Variants in PRDM16 observed in about 807,000 individuals in gnomAD.
PRDM16 encodes the protein histone-lysine N-methyltransferase PRDM16.
In PRDM16, 23 loss-of-function variants were observed where a neutral mutation model predicts 110.6. That is an observed-to-expected ratio of 0.21 (90% confidence interval 0.15 to 0.29). The LOEUF is 0.29. Among genes scored for constraint, PRDM16 ranks in the 10% least tolerant of loss-of-function variants. The probability of loss-of-function intolerance (pLI) is 1.00; values close to 1 mark genes in which losing one functional copy is unlikely to be tolerated. For synonymous variants in PRDM16, 799 were observed against 781.8 expected, an observed-to-expected ratio of 1.02 and a Z score of -0.37; for missense variants, 1,615 against 1,794.3, an observed-to-expected ratio of 0.90 and a Z score of 1.81.
chr1:3,272,337 T>G (rs1640474783), intron 3 of PRDM16, among the ~76,000 whole-genome samples: 1 of 152,164 alleles, frequency 6.6e-6, no homozygotes, highest in African/African-American at 2.4e-5. Context: ...GGGGGCTCTT[T>G]AGGTTCCCAT....
intron 3 of PRDM16, among the ~76,000 whole-genome samples, chr1:3,333,878 G>A (rs1642092516): frequency 6.6e-6 from 1 of 152,038 alleles, no homozygotes; most frequent in Admixed American, 6.5e-5. Context: ...CATGTCACAC[G>A]CAGGCTCCCC....
chr1:3,134,586 CT>C (rs58672889), intron 1 of PRDM16, among the ~76,000 whole-genome samples: 17,689 of 152,270 alleles, frequency 0.12, 1,551 homozygotes, highest in East Asian at 0.24. Flanking sequence ...CCGCCTCCCC[CT>C]GGAAGGGGAA....
chr1:3,099,735 G>A (rs1476972760), intron 1 of PRDM16, among the ~76,000 whole-genome samples: 1 of 152,222 alleles, frequency 6.6e-6, no homozygotes, highest in Non-Finnish European at 1.5e-5. Context: ...AGGCCGCCAT[G>A]GCAGGTATGT....
At chr1:3,332,796 C>T (rs1188167303) in intron 3 of PRDM16, among the ~76,000 whole-genome samples, 6 of 152,062 alleles carry the variant, frequency 3.9e-5, no homozygotes, top group African/African-American at 1.5e-4. Flanking sequence ...CCCATCCCCC[C>T]AGGCCCTGGC....
At chr1:3,241,820 C>G (rs1639681479) in intron 2 of PRDM16, among the ~76,000 whole-genome samples, 1 of 152,154 alleles carries the variant, frequency 6.6e-6, no homozygotes, top group Non-Finnish European at 1.5e-5. Context: ...GGGCGCCCAG[C>G]AGAGAGCAGC....
chr1:3,427,779 C>T (rs1175159980), intron 14 of PRDM16, among the ~76,000 whole-genome samples: 1 of 152,110 alleles, frequency 6.6e-6, no homozygotes, highest in African/African-American at 2.4e-5. Context: ...GGGCCGTGGT[C>T]CCAAAAGCCT....
At chr1:3,192,675 G>C (rs574890476) in intron 2 of PRDM16, among the ~76,000 whole-genome samples, 1 of 152,138 alleles carries the variant, frequency 6.6e-6, no homozygotes, top group South Asian at 2.1e-4. Flanking sequence ...AGGCAGAAGC[G>C]ACCCTGTTTT....
rs1037710955 is a variant in PRDM16, at chr1:3,434,689, G to A, written c.*878G>A. ...ACGTGGCCTTCAGAGGAATCCACAG[G>A]TCCCCACCCAAGATCCCTCAATTAT... is the stretch of plus-strand genomic sequence containing the variant. On this transcript the variant is annotated 3_prime_UTR_variant, in exon 17 of 17. Transcript: ENST00000270722. The A allele has an allele frequency of 4.3e-6, 1 of 232,518 alleles. No individual in the cohort carries two copies. Among genetic ancestry groups the A allele is most frequent in the African/African-American group, 2.2e-5 (1 of 45,304 alleles). The allele number at this position is 232,518 out of a possible 1,614,324, so 14.4% of individuals were successfully genotyped here.
At chr1:3,181,088 C>T (rs375492774) in intron 1 of PRDM16, among the ~76,000 whole-genome samples, 3,976 of 62,554 alleles carry the variant, frequency 0.064, 145 homozygotes, top group African/African-American at 0.14. Flanking sequence ...TTACACACGG[C>T]CTTACACACG....
intron 2 of PRDM16, among the ~76,000 whole-genome samples, chr1:3,221,380 G>A (rs529138257): frequency 2.6e-5 from 4 of 152,316 alleles, no homozygotes; most frequent in African/African-American, 9.6e-5. Flanking sequence ...GATCATGTAC[G>A]TGGGACTTTT....
At position 3,080,412 on chromosome 1, in the gene PRDM16, GC is replaced by G. The variant is rs1332337726; in HGVS notation, c.37+11119del. Among the ~76,000 whole-genome samples the G allele has an allele frequency of 6.6e-6, 1 of 152,124 alleles. No homozygotes were observed. Among genetic ancestry groups the G allele is most frequent in the Non-Finnish European group, 1.5e-5 (1 of 68,028 alleles). ...CTTTCCGATCGGTTTCTCTACCCCG[GC>G]CCATCCAGCCATCCTTTTCTTTAAT... On this transcript the variant is annotated intron_variant, in intron 1 of 16. Transcript: ENST00000270722. This position sits in a 1 kb window ranked among gnomAD's most constrained non-coding sequence, Gnocchi z 5.2.
chr1:3,290,452 C>T lies in PRDM16; in HGVS notation c.438+46315C>T, dbSNP rs114843333. On this transcript the variant is annotated intron_variant, in intron 3 of 16. Transcript: ENST00000270722. The surrounding 1 kb of genome is among the most constrained non-coding windows in gnomAD (Gnocchi z 4.8). ...CTGCCTCCACCTGCTGTGTTCGAAG[C>T]GGTGATTTTTCTCTTGAGGCCCCTG... Among the ~76,000 whole-genome samples, 1,273 of 152,308 alleles carry T rather than the reference C, an allele frequency of 8.4e-3. 30 individuals are homozygous for T. The highest frequency in any genetic ancestry group is 0.029 in the African/African-American group (1,212 of 41,562).
chr1:3,263,583 A>C (rs974196552), intron 3 of PRDM16, among the ~76,000 whole-genome samples: 1 of 152,156 alleles, frequency 6.6e-6, no homozygotes, highest in Non-Finnish European at 1.5e-5. Flanking sequence ...CTTCCATCCC[A>C]TGGGGAACTT....
chr1:3,348,040 T>A (rs1335769902), intron 3 of PRDM16, among the ~76,000 whole-genome samples: 4 of 152,112 alleles, frequency 2.6e-5, no homozygotes, highest in Non-Finnish European at 5.9e-5. Flanking sequence ...GAACTTCTGG[T>A]CAGGCTGCCC....
intron 3 of PRDM16, among the ~76,000 whole-genome samples, chr1:3,368,798 A>G (rs1031378097): frequency 6.6e-6 from 1 of 152,172 alleles, no homozygotes; most frequent in African/African-American, 2.4e-5. Context: ...AGGAAAGACA[A>G]TGTGTCCTCC....
At chr1:3,346,294 C>T (rs1642362074) in intron 3 of PRDM16, among the ~76,000 whole-genome samples, 1 of 152,192 alleles carries the variant, frequency 6.6e-6, no homozygotes. Context: ...GTTTGTGCGT[C>T]GAGTTCTGTG....
chr1:3,302,591 C>A (rs1485651639), intron 3 of PRDM16, among the ~76,000 whole-genome samples: 1 of 152,182 alleles, frequency 6.6e-6, no homozygotes, highest in African/African-American at 2.4e-5. Flanking sequence ...TCGAGCCATC[C>A]TCACTGTAAC....
At chr1:3,330,327 G>T (rs777791486) in intron 3 of PRDM16, among the ~76,000 whole-genome samples, 1 of 152,242 alleles carries the variant, frequency 6.6e-6, no homozygotes, top group African/African-American at 2.4e-5. Flanking sequence ...AATTGGAGAT[G>T]CTTTTTGTGT....
In PRDM16 at chr1:3,146,756, C is replaced by T. The variant is rs111203490; in HGVS notation, c.38-39369C>T. On this transcript the variant is annotated intron_variant, in intron 1 of 16. Coordinates refer to ENST00000270722, the MANE Select transcript of PRDM16 (RefSeq NM_022114.4). ...GGTTGTGTGAGTGCACGTGTGTGCT[C>T]GGTGTAGGGGGTGTGTGTGCACATG... Among the ~76,000 whole-genome samples the T allele has an allele frequency of 7.1e-3, 675 of 95,102 alleles. 11 individuals carry two copies. Among genetic ancestry groups the T allele is most frequent in the African/African-American group, 0.027 (634 of 23,644 alleles). The allele number at this position is 95,102 out of a possible 152,430, so 62.4% of individuals were successfully genotyped here. A position where few individuals can be genotyped will look rare whatever the true frequency, so the allele number is the denominator to read the frequency against.
Sources: gnomAD v4.1 joint callset for allele counts (sites outside exome capture counted in the v4.1 genomes callset) on GRCh38, gnomAD v4.1.1 for gene constraint, Gnocchi (gnomAD v3.1) non-coding constraint, MANE v1.5 for transcripts, NCBI Gene and HGNC (gene_info 2026-07-23, HGNC 2026-07-21) for gene names.